The following PALS2 variants were observed in gnomAD, a reference collection of about 807,000 sequenced individuals.
PALS2 encodes the protein protein PALS2.
Under a neutral mutation model 61.6 loss-of-function variants are expected in PALS2, and 27 were observed. The observed-to-expected ratio is 0.44, with a 90% CI of 0.32 to 0.60. The LOEUF (loss-of-function observed/expected upper bound fraction) is 0.60, where lower values mean the gene tolerates loss of function less well. PALS2 is among the 20% of genes least tolerant of loss of function. PALS2 has a pLI of 0.05. For synonymous variants in PALS2, 236 were observed against 218.6 expected, an observed-to-expected ratio of 1.08 and a Z score of -0.70; for missense variants, 554 against 639.4, an observed-to-expected ratio of 0.87 and a Z score of 1.44.
intron 1 of PALS2, among the ~76,000 whole-genome samples, chr7:24,579,883 A>G (rs949974162): frequency 6.6e-6 from 1 of 152,142 alleles, no homozygotes; most frequent in South Asian, 2.1e-4. Context: ...GAACTTTTTC[A>G]TAGTTGCTTT....
intron 1 of PALS2, among the ~76,000 whole-genome samples, chr7:24,607,612 TATATATGTGTGTATATATAC>T (rs1022864351): frequency 2.0e-5 from 3 of 149,110 alleles, no homozygotes; most frequent in African/African-American, 5.1e-5. Context: ...TATATATACA[TATATATGTGTGTATATATAC>T]ATATATGTAT....
chr7:24,679,407 T>C, intron 10 of PALS2, 74 bp downstream of exon 10: 1 of 1,506,784 alleles, frequency 6.6e-7, no homozygotes, highest in Non-Finnish European at 9.1e-7. Context: ...GTCGGGGTTG[T>C]TGGGTTGGGG....
intron 1 of PALS2, among the ~76,000 whole-genome samples, chr7:24,584,677 T>C (rs1174010880): frequency 2.6e-5 from 4 of 152,008 alleles, no homozygotes; most frequent in African/African-American, 9.7e-5. Context: ...TTAGATCCCA[T>C]TTGTCAATTT....
At chr7:24,597,939 A>C (rs1050610597) in intron 1 of PALS2, among the ~76,000 whole-genome samples, 1 of 152,160 alleles carries the variant, frequency 6.6e-6, no homozygotes, top group Non-Finnish European at 1.5e-5. Flanking sequence ...TTCTTTTTGT[A>C]GGACCAGGGC....
Position 24,649,746 on chromosome 7 carries a change from A to G in PALS2, c.405A>G (p.Lys135=). Residue 135 remains lysine, a synonymous_variant, in exon 4 of 12, where the codon AAA becomes AAG. Transcript: ENST00000222644. The part of the protein sequence containing the change: ...VDAIRILGIH[K]RAGEPLGVTF... ...CCATTCGTATTCTTGGTATTCACAA[A>G]AGAGCTGGGGAACCACTGGTGAGTA... 2 of 1,608,768 alleles carry G rather than the reference A, an allele frequency of 1.2e-6. No homozygotes were observed. Among genetic ancestry groups the G allele is most frequent in the Non-Finnish European group, 1.7e-6 (2 of 1,177,526 alleles).
At position 24,605,348 on chromosome 7, in the gene PALS2, T is replaced by C. The variant is rs1015166975; in HGVS notation, c.-2-18318T>C. Among the ~76,000 whole-genome samples the C allele has an allele frequency of 2.6e-5, 4 of 152,256 alleles. No homozygotes were observed. The South Asian group carries it at 6.2e-4, about 24-fold the overall frequency. On this transcript the variant is annotated intron_variant, in intron 1 of 11. Transcript: ENST00000222644. ...TCCTCAGACGCTAAATAAACTACAC[T>C]CATCCTATGAATCTGCAACAACTAA...
chr7:24,657,376 G>T (rs1187209437), intron 5 of PALS2, among the ~76,000 whole-genome samples: 2 of 152,108 alleles, frequency 1.3e-5, no homozygotes, highest in Non-Finnish European at 2.9e-5. Context: ...GCAACATGTG[G>T]TATGGTCAGT....
chr7:24,686,471 C>T (rs1359133698), intron 11 of PALS2, among the ~76,000 whole-genome samples: 1 of 152,202 alleles, frequency 6.6e-6, no homozygotes, highest in Non-Finnish European at 1.5e-5. Flanking sequence ...TTTTGCCCTG[C>T]TGTTTCCTCT....
chr7:24,610,335 T>A (rs986131447), intron 1 of PALS2, among the ~76,000 whole-genome samples: 1 of 152,196 alleles, frequency 6.6e-6, no homozygotes, highest in Middle Eastern at 3.2e-3. Flanking sequence ...TACTTTATGA[T>A]GATCTTATCA....
intron 1 of PALS2, among the ~76,000 whole-genome samples, chr7:24,587,862 G>A (rs946510061): frequency 1.3e-5 from 2 of 152,164 alleles, no homozygotes; most frequent in Non-Finnish European, 2.9e-5. Context: ...TTTAGTAGGT[G>A]AGCAAGAAAA....
chr7:24,640,726 C>T (rs569080718), intron 2 of PALS2, among the ~76,000 whole-genome samples: 2 of 151,532 alleles, frequency 1.3e-5, no homozygotes, highest in Non-Finnish European at 2.9e-5. Context: ...GAATTACTTT[C>T]GGCCGAGGGC....
At chr7:24,685,582 A>G (rs1159198569) in intron 11 of PALS2, among the ~76,000 whole-genome samples, 1 of 151,666 alleles carries the variant, frequency 6.6e-6, no homozygotes, top group Non-Finnish European at 1.5e-5. Context: ...AGACCACTCT[A>G]TAGCCAGAGA....
intron 2 of PALS2, among the ~76,000 whole-genome samples, chr7:24,632,525 A>C (rs1245656304): frequency 1.3e-5 from 2 of 151,934 alleles, no homozygotes; most frequent in African/African-American, 4.8e-5. Flanking sequence ...TCAGCCTCTC[A>C]AGTAGCTGGG....
chr7:24,660,055 C>T (rs1786634037), intron 5 of PALS2, among the ~76,000 whole-genome samples: 2 of 152,148 alleles, frequency 1.3e-5, no homozygotes, highest in Admixed American at 6.5e-5. Context: ...TTGTTTCTTC[C>T]ATCTTTTAGG....
rs150760797 is a variant in PALS2, at chr7:24,621,603, T to C, written c.-2-2063T>C. On this transcript the variant is annotated intron_variant, in intron 1 of 11. Coordinates refer to ENST00000222644, the MANE Select transcript of PALS2 (RefSeq NM_001303037.2). ...CATATTATCCAGAAAGAAGAGAAAC[T>C]ACGAACAGATCTGATTAGAAGAAAC... Among the ~76,000 whole-genome samples, 24 of 152,036 alleles carry C rather than the reference T, an allele frequency of 1.6e-4. No individual in the cohort carries two copies. The East Asian group carries it at 4.2e-3, about 27-fold the overall frequency.
In PALS2 at chr7:24,573,815, C is replaced by T. The variant is rs1782544766; in HGVS notation, c.-3+222C>T. Among the ~76,000 whole-genome samples, 2 of 148,970 alleles carry T rather than the reference C, an allele frequency of 1.3e-5. No individual in the cohort carries two copies. Among genetic ancestry groups the T allele is most frequent in the Admixed American group, 6.7e-5 (1 of 14,990 alleles). On this transcript the variant is annotated intron_variant, in intron 1 of 11. Coordinates refer to ENST00000222644, the MANE Select transcript of PALS2 (RefSeq NM_001303037.2). This position sits in a 1 kb window ranked among gnomAD's most constrained non-coding sequence, Gnocchi z 5.3. ...TGCTGGCCGCCCCCAGCCCGGCCCGCGCGGAAGGGGCGCTCGGCCGGGCTC... is the reference window on the plus strand; with the variant it reads ...TGCTGGCCGCCCCCAGCCCGGCCCGTGCGGAAGGGGCGCTCGGCCGGGCTC...
chr7:24,624,404 A>G (rs1436589103), intron 2 of PALS2, among the ~76,000 whole-genome samples: 3 of 152,100 alleles, frequency 2.0e-5, no homozygotes, highest in East Asian at 1.9e-4. Context: ...TCAAGAATCT[A>G]TGCCACATGC....
At chr7:24,637,992 A>G (rs1012783925) in intron 2 of PALS2, among the ~76,000 whole-genome samples, 1 of 152,182 alleles carries the variant, frequency 6.6e-6, no homozygotes, top group Non-Finnish European at 1.5e-5. Flanking sequence ...ATTTATTTAA[A>G]TAGTATGTGG....
intron 3 of PALS2, among the ~76,000 whole-genome samples, chr7:24,648,888 G>C (rs972245322): frequency 5.5e-5 from 8 of 145,858 alleles, no homozygotes; most frequent in Non-Finnish European, 4.5e-5. Flanking sequence ...CTAGGTGACA[G>C]AGTGAGACTC....
Sources: gnomAD v4.1 joint callset for allele counts (sites outside exome capture counted in the v4.1 genomes callset) on GRCh38, gnomAD v4.1.1 for gene constraint, Gnocchi (gnomAD v3.1) non-coding constraint, MANE v1.5 for transcripts, NCBI Gene and HGNC (gene_info 2026-07-23, HGNC 2026-07-21) for gene names.